The following EIF5B variants were observed in gnomAD, a reference collection of about 807,000 sequenced individuals.
The protein encoded by EIF5B is eIF-5B.
A neutral mutation model predicts 147.5 loss-of-function variants in EIF5B; 47 were observed. The observed-to-expected ratio is 0.32, with a 90% CI of 0.25 to 0.41. The LOEUF is 0.41. EIF5B is among the 10% of genes least tolerant of loss of function. The pLI is 1.00. For missense variants in EIF5B, 1,064 were observed against 1,413.2 expected, an observed-to-expected ratio of 0.75 and a Z score of 3.96; for synonymous variants, 455 against 456.2, an observed-to-expected ratio of 1.00 and a Z score of 0.03.
intron 9 of EIF5B, among the ~76,000 whole-genome samples, chr2:99,372,113 C>T (rs896886358): frequency 6.6e-6 from 1 of 152,108 alleles, no homozygotes; most frequent in African/African-American, 2.4e-5. Context: ...ATTGTTTCCC[C>T]TTCTTTATTA....
intron 1 of EIF5B, among the ~76,000 whole-genome samples, chr2:99,347,052 C>G (rs1357954380): frequency 6.6e-6 from 1 of 152,124 alleles, no homozygotes; most frequent in Non-Finnish European, 1.5e-5. Context: ...GTCGCCCAGG[C>G]TGGAGTGCAG....
chr2:99,342,463 G>T (rs1248622552), intron 1 of EIF5B, among the ~76,000 whole-genome samples: 1 of 152,024 alleles, frequency 6.6e-6, no homozygotes, highest in Non-Finnish European at 1.5e-5. Context: ...TCTCCATTTA[G>T]TTGGTTAATT....
At chr2:99,388,522 A>T (rs574324554) in intron 14 of EIF5B, among the ~76,000 whole-genome samples, 22 of 151,960 alleles carry the variant, frequency 1.4e-4, no homozygotes, top group Non-Finnish European at 3.2e-4. Context: ...TTATTTCTTT[A>T]ATCATGAATG....
chr2:99,338,513 A>T (rs567913838), intron 1 of EIF5B: 2 of 365,140 alleles, frequency 5.5e-6, no homozygotes, highest in African/African-American at 4.3e-5. Context: ...GACTCAAAAC[A>T]GATATGTTGT....
At position 99,360,471 on chromosome 2, in the gene EIF5B, T is replaced by C. The variant is rs1213450974; in HGVS notation, c.168T>C (p.Asp56=). The C allele has an allele frequency of 1.9e-6, 3 of 1,613,242 alleles. No homozygotes were observed. The highest frequency in any genetic ancestry group is 1.7e-6 in the Non-Finnish European group (2 of 1,179,620). The change falls in exon 3 of 24, where the codon GAT becomes GAC. Residue 56 remains aspartate, a synonymous_variant. Coordinates refer to ENST00000289371, the MANE Select transcript of EIF5B (RefSeq NM_015904.4). ...KEKKKQDFDE[D]DILKELEELS... ...TATTTTAATCCTTTTCTAGTGAAGATGATATCCTGAAAGAACTGGAAGAAT... is the reference window on the plus strand; with the variant it reads ...TATTTTAATCCTTTTCTAGTGAAGACGATATCCTGAAAGAACTGGAAGAAT...
intron 10 of EIF5B, among the ~76,000 whole-genome samples, chr2:99,377,558 A>C (rs941686657): frequency 9.9e-5 from 15 of 151,552 alleles, no homozygotes; most frequent in African/African-American, 3.4e-4. Context: ...TACTCCCACC[A>C]GCTCCCTTGC....
At chr2:99,369,602 G>T (rs992021530) in intron 8 of EIF5B, 121 bp downstream of exon 8, 7 of 673,340 alleles carry the variant, frequency 1.0e-5, no homozygotes, top group East Asian at 3.2e-5. Flanking sequence ...TGGCTGGATG[G>T]CCCTCTTTCT....
chr2:99,396,588 C>T (rs1018965654), intron 21 of EIF5B, among the ~76,000 whole-genome samples, 172 bp from the exon 22 acceptor site: 11 of 152,162 alleles, frequency 7.2e-5, no homozygotes, highest in African/African-American at 2.2e-4. Flanking sequence ...AAGGAAGAAG[C>T]GCTCTGGGCA....
At chr2:99,337,733 G>A in intron 1 of EIF5B, 144 bp downstream of exon 1, 1 of 1,120,298 alleles carries the variant, frequency 8.9e-7, no homozygotes, top group Non-Finnish European at 1.2e-6. Flanking sequence ...TGTGCGGAGC[G>A]GGCCCAAGCC....
chr2:99,399,263 TTTG>T, intron 23 of EIF5B, 41 bp from the exon 24 acceptor site: 2 of 1,582,296 alleles, frequency 1.3e-6, no homozygotes, highest in African/African-American at 2.7e-5. Context: ...CTTTGGCACG[TTTG>T]TTATGTTCTG....
intron 9 of EIF5B, among the ~76,000 whole-genome samples, chr2:99,373,526 TC>T (rs1674498139): frequency 6.6e-6 from 1 of 151,994 alleles, no homozygotes; most frequent in South Asian, 2.1e-4. Context: ...CCCAAAACCT[TC>T]CCCACCACCC....
At position 99,399,313 on chromosome 2, in the gene EIF5B, C is replaced by T. The variant is rs1349177772; in HGVS notation, c.3562C>T (p.Arg1188Trp). The T allele has an allele frequency of 4.3e-6, 7 of 1,613,984 alleles. No homozygotes were observed. Among genetic ancestry groups the T allele is most frequent in the Non-Finnish European group, 4.2e-6 (5 of 1,179,976 alleles). The change falls in exon 24 of 24, where the codon CGG (arginine) becomes TGG (tryptophan). Residue 1188 changes from arginine (R) to tryptophan (W), a missense_variant. By Grantham distance (101) the Arg-to-Trp change is moderately radical. This residue lies in a region of EIF5B where 380 missense variants were observed against 715.6 expected (regional missense o/e 0.53). Transcript: ENST00000289371. ...ATDILVSKISRQSIDALKDWF... is the reference protein window; with the variant it reads ...ATDILVSKISWQSIDALKDWF... ...TGTGCCTCGGGCATTGCAGATCAGCCGGCAGTCCATTGATGCACTCAAAGA... is the reference window on the plus strand; with the variant it reads ...TGTGCCTCGGGCATTGCAGATCAGCTGGCAGTCCATTGATGCACTCAAAGA...
intron 23 of EIF5B, 177 bp from the exon 24 acceptor site, chr2:99,399,130 G>A (rs761135833): frequency 2.4e-5 from 18 of 765,064 alleles, no homozygotes; most frequent in Middle Eastern, 2.8e-4. Context: ...AGGTCCCCTC[G>A]TGCCTGACAT....
chr2:99,376,456 G>A lies in EIF5B; in HGVS notation c.1662G>A (p.Glu554=). The A allele has an allele frequency of 2.5e-6, 4 of 1,600,426 alleles. No homozygotes were observed. The highest frequency in any genetic ancestry group is 3.4e-6 in the Non-Finnish European group (4 of 1,167,902). The stretch of plus-strand genomic sequence containing the variant: ...AAAGTGAAGAAGAGGAGGAAGAGGA[G>A]GGAGAAAGTGAAGGCAGTGAAGGTG... ...DEESEEEEEE[E]GESEGSEGDE... Residue 554 remains glutamate (E), a synonymous_variant, in exon 10 of 24, where the codon GAG becomes GAA. Transcript: ENST00000289371.
intron 11 of EIF5B, 58 bp downstream of exon 11, chr2:99,379,184 A>T (rs1031879704): frequency 3.1e-5 from 45 of 1,449,828 alleles, no homozygotes; most frequent in Non-Finnish European, 4.7e-6. Context: ...GGTACCTTAT[A>T]AAAAAAAACT....
intron 4 of EIF5B, among the ~76,000 whole-genome samples, chr2:99,362,461 T>C (rs1289256225): frequency 6.6e-6 from 1 of 152,116 alleles, no homozygotes; most frequent in Non-Finnish European, 1.5e-5. Flanking sequence ...TCCCAGCACT[T>C]TGGGAGGCTG....
chr2:99,368,635 G>A, intron 7 of EIF5B, 44 bp downstream of exon 7: 2 of 1,441,350 alleles, frequency 1.4e-6, no homozygotes, highest in South Asian at 1.2e-5. Flanking sequence ...TATGTTGTTT[G>A]CCTTTCCCCC....
At chr2:99,372,492 C>G (rs1674473936) in intron 9 of EIF5B, among the ~76,000 whole-genome samples, 1 of 152,192 alleles carries the variant, frequency 6.6e-6, no homozygotes, top group South Asian at 2.1e-4. Context: ...GCATGCGCCA[C>G]CACGCCCAGC....
At chr2:99,357,525 G>A (rs1336621056) in intron 1 of EIF5B, among the ~76,000 whole-genome samples, 3 of 152,188 alleles carry the variant, frequency 2.0e-5, no homozygotes, top group Non-Finnish European at 4.4e-5. Context: ...TATATTGTTA[G>A]TCACAAAAAG....
Sources: gnomAD v4.1 joint callset for allele counts (sites outside exome capture counted in the v4.1 genomes callset) on GRCh38, gnomAD v4.1.1 for gene constraint, gnomAD v4.1.1 regional missense constraint, MANE v1.5 for transcripts, NCBI Gene and HGNC (gene_info 2026-07-23, HGNC 2026-07-21) for gene names.